The following DLGAP2 variants were observed in gnomAD, a reference collection of about 807,000 sequenced individuals.
The protein encoded by DLGAP2 is DLG associated protein 2, also known as disks large-associated protein 2.
In DLGAP2, 26 loss-of-function variants were observed where a neutral mutation model predicts 100.3. That is an observed-to-expected ratio of 0.26 (90% CI 0.19 to 0.36). The LOEUF is 0.36. Ranked by LOEUF, DLGAP2 falls within the 10% of genes least tolerant of loss-of-function variation. The pLI, the probability that DLGAP2 is intolerant of heterozygous loss-of-function variation, is 1.00. For missense variants in DLGAP2, 1,858 were observed against 1,453.2 expected (o/e 1.28, Z -4.53); for synonymous variants, 886 against 630.1 (o/e 1.41, Z -6.08).
intron 3 of DLGAP2, among the ~76,000 whole-genome samples, chr8:1,282,233 TCA>T (rs1799832450): frequency 1.8e-5 from 2 of 110,516 alleles, no homozygotes; most frequent in African/African-American, 6.0e-5. Context: ...CCCTGAACCA[TCA>T]GGACATGGTG....
intron 2 of DLGAP2, among the ~76,000 whole-genome samples, chr8:1,105,361 C>A (rs140762558): frequency 6.6e-6 from 1 of 152,242 alleles, no homozygotes; most frequent in East Asian, 1.9e-4. Flanking sequence ...CCTTGTTCTG[C>A]CTGAAGGAGG....
chr8:810,097 T>A (rs772825774), intron 1 of DLGAP2, among the ~76,000 whole-genome samples: 3 of 152,212 alleles, frequency 2.0e-5, no homozygotes, highest in Non-Finnish European at 4.4e-5. Flanking sequence ...CCTTTCTAAC[T>A]ACTGTTCATG....
chr8:1,046,249 A>G (rs754536053), intron 2 of DLGAP2, among the ~76,000 whole-genome samples: 2 of 152,200 alleles, frequency 1.3e-5, no homozygotes, highest in Non-Finnish European at 2.9e-5. Flanking sequence ...GTAATTTGGC[A>G]TAATGAAATC....
chr8:1,196,319 G>A (rs944707922), intron 2 of DLGAP2, among the ~76,000 whole-genome samples: 13 of 152,358 alleles, frequency 8.5e-5, no homozygotes, highest in Admixed American at 8.5e-4. Flanking sequence ...TATTTCCCAA[G>A]CACCATGAAA....
intron 2 of DLGAP2, among the ~76,000 whole-genome samples, chr8:1,114,773 T>C (rs547496367): frequency 6.6e-6 from 1 of 152,338 alleles, no homozygotes; most frequent in East Asian, 1.9e-4. Context: ...TCCAATTCTT[T>C]TAATTGTGAT....
chr8:1,627,572 T>C (rs1797537258), intron 7 of DLGAP2, among the ~76,000 whole-genome samples: 1 of 152,260 alleles, frequency 6.6e-6, no homozygotes. Flanking sequence ...AGTTTATCAT[T>C]TTAATTAAGC....
intron 1 of DLGAP2, among the ~76,000 whole-genome samples, chr8:827,897 C>T (rs191885642): frequency 3.9e-5 from 6 of 152,088 alleles, no homozygotes; most frequent in Admixed American, 3.3e-4. Context: ...GGACAGAGTA[C>T]AAAAGAGAGA....
At chr8:1,350,229 TG>T (rs1801679173) in intron 3 of DLGAP2, among the ~76,000 whole-genome samples, 4 of 105,060 alleles carry the variant, frequency 3.8e-5, no homozygotes, top group Admixed American at 1.0e-4. Context: ...GGGTCCTGAG[TG>T]TGCGTGGAAA....
At chr8:1,233,471 G>C (rs148598906) in intron 2 of DLGAP2, among the ~76,000 whole-genome samples, 2 of 152,136 alleles carry the variant, frequency 1.3e-5, no homozygotes, top group South Asian at 4.2e-4. Context: ...GTTGGCTAAC[G>C]GGGCTAATCG....
At chr8:1,049,758 C>T (rs563002478) in intron 2 of DLGAP2, among the ~76,000 whole-genome samples, 14 of 152,160 alleles carry the variant, frequency 9.2e-5, no homozygotes, top group South Asian at 6.2e-4. Flanking sequence ...GACACACAGA[C>T]GGTGCATAGA....
At chr8:1,424,006 G>A (rs975170573) in intron 3 of DLGAP2, among the ~76,000 whole-genome samples, 18 of 152,178 alleles carry the variant, frequency 1.2e-4, no homozygotes, top group African/African-American at 2.7e-4. Flanking sequence ...AATAGCAGCC[G>A]GATTATTCAA....
intron 13 of DLGAP2, among the ~76,000 whole-genome samples, chr8:1,694,330 A>G (rs933300475): frequency 6.6e-6 from 1 of 152,174 alleles, no homozygotes; most frequent in Non-Finnish European, 1.5e-5. Flanking sequence ...GCAAAGTAGC[A>G]CCGCTGTCTG....
intron 3 of DLGAP2, among the ~76,000 whole-genome samples, chr8:1,265,176 C>G (rs1224778348): frequency 2.0e-5 from 3 of 152,084 alleles, no homozygotes; most frequent in Admixed American, 6.5e-5. Context: ...ATAGACTTGC[C>G]TAGATATTGG....
chr8:824,757 T>G (rs955538125), intron 1 of DLGAP2, among the ~76,000 whole-genome samples: 2 of 152,096 alleles, frequency 1.3e-5, no homozygotes, highest in African/African-American at 4.8e-5. Context: ...GCTGCCCTCA[T>G]CAGCAGCAAA....
chr8:995,183 T>C (rs1220730641), intron 2 of DLGAP2, among the ~76,000 whole-genome samples: 1 of 152,216 alleles, frequency 6.6e-6, no homozygotes, highest in Non-Finnish European at 1.5e-5. Flanking sequence ...TTATACTGTA[T>C]AAAGCAGTAT....
At chr8:1,244,170 C>T (rs1259247849) in intron 2 of DLGAP2, among the ~76,000 whole-genome samples, 2 of 152,212 alleles carry the variant, frequency 1.3e-5, no homozygotes, top group East Asian at 3.9e-4. Flanking sequence ...CTCTTCGATG[C>T]CTCTGAGTGC....
chr8:1,424,461 T>C (rs377430363), intron 3 of DLGAP2, among the ~76,000 whole-genome samples: 1 of 152,352 alleles, frequency 6.6e-6, no homozygotes, highest in African/African-American at 2.4e-5. Context: ...CAATTGTGTA[T>C]AGCTGCCCAA....
intron 1 of DLGAP2, among the ~76,000 whole-genome samples, chr8:741,979 C>T (rs1005921609): frequency 5.3e-4 from 81 of 152,308 alleles, no homozygotes; most frequent in Middle Eastern, 3.4e-3. Context: ...AGGAGAAGGG[C>T]GGCTGTTATG....
At chr8:1,635,672 G>A (rs1797749765) in intron 8 of DLGAP2, among the ~76,000 whole-genome samples, 1 of 152,174 alleles carries the variant, frequency 6.6e-6, no homozygotes, top group African/African-American at 2.4e-5. Flanking sequence ...ATTACTTTAT[G>A]CAGGCTCAAA....
Sources: allele counts gnomAD v4.1 joint callset (sites outside exome capture counted in the v4.1 genomes callset), GRCh38; gene constraint gnomAD v4.1.1; transcripts MANE v1.5; gene names NCBI Gene and HGNC (gene_info 2026-07-23, HGNC 2026-07-21).